Variants in GABRB1 observed in about 807,000 individuals in gnomAD.
GABRB1 encodes the protein gamma-aminobutyric acid receptor subunit beta-1.
A neutral mutation model predicts 51.6 loss-of-function variants in GABRB1; 17 were observed. The observed-to-expected ratio is 0.33, with a 90% CI of 0.23 to 0.49. The LOEUF (loss-of-function observed/expected upper bound fraction) is 0.49. Ranked by LOEUF, GABRB1 falls within the 20% of genes least tolerant of loss-of-function variation. The pLI is 0.99. For missense variants in GABRB1, 410 were observed against 600.6 expected (o/e 0.68, Z 3.32); for synonymous variants, 247 against 218.9 (o/e 1.13, Z -1.14).
intron 4 of GABRB1, among the ~76,000 whole-genome samples, chr4:47,198,445 G>A (rs1378525037): frequency 6.6e-6 from 1 of 152,194 alleles, no homozygotes; most frequent in Non-Finnish European, 1.5e-5. Context: ...GAGAAATACA[G>A]ATGTTACAGA....
intron 5 of GABRB1, among the ~76,000 whole-genome samples, chr4:47,325,432 C>T (rs1725227161): frequency 4.6e-5 from 1 of 21,522 alleles, no homozygotes; most frequent in African/African-American, 1.0e-4. Flanking sequence ...CAGACTCCAT[C>T]TCAAAAAAAA....
At chr4:47,253,292 G>A (rs1041438649) in intron 4 of GABRB1, among the ~76,000 whole-genome samples, 26 of 152,204 alleles carry the variant, frequency 1.7e-4, no homozygotes, top group African/African-American at 6.3e-4. Context: ...TGTCAAAGGG[G>A]AATCCCATTT....
intron 4 of GABRB1, among the ~76,000 whole-genome samples, chr4:47,211,985 C>T (rs181951100): frequency 6.6e-6 from 1 of 152,200 alleles, no homozygotes; most frequent in African/African-American, 2.4e-5. Context: ...TACAAAGTTC[C>T]TTTTTTCATA....
chr4:47,037,267 T>C (rs1295308444), intron 3 of GABRB1, among the ~76,000 whole-genome samples: 4 of 152,202 alleles, frequency 2.6e-5, no homozygotes, highest in Non-Finnish European at 5.9e-5. Flanking sequence ...CTTTGTAAAA[T>C]AGCCTAAACA....
intron 4 of GABRB1, among the ~76,000 whole-genome samples, chr4:47,267,702 G>A (rs1228839674): frequency 1.3e-5 from 2 of 152,130 alleles, no homozygotes; most frequent in Non-Finnish European, 2.9e-5. Context: ...GGCTGAGGCA[G>A]GAGAATTGCT....
chr4:47,042,866 C>T (rs2109491885), intron 3 of GABRB1, among the ~76,000 whole-genome samples: 1 of 151,954 alleles, frequency 6.6e-6, no homozygotes, highest in East Asian at 1.9e-4. Flanking sequence ...CAAAATTATA[C>T]ATATACCTCA....
chr4:47,408,027 G>T (rs916086027), intron 8 of GABRB1, among the ~76,000 whole-genome samples: 1 of 152,308 alleles, frequency 6.6e-6, no homozygotes, highest in Non-Finnish European at 1.5e-5. Flanking sequence ...AGAAGGCAAA[G>T]GTTGCAGTGA....
intron 4 of GABRB1, among the ~76,000 whole-genome samples, chr4:47,179,564 T>C (rs1408345694): frequency 6.6e-6 from 1 of 152,148 alleles, no homozygotes. Context: ...CATTTACTTT[T>C]ACCAACATAT....
intron 3 of GABRB1, among the ~76,000 whole-genome samples, chr4:47,159,805 T>C (rs910350828): frequency 6.6e-6 from 1 of 152,106 alleles, no homozygotes; most frequent in East Asian, 1.9e-4. Context: ...ATGTTAGACA[T>C]GATTCTAATC....
At chr4:47,210,078 C>A (rs1720296494) in intron 4 of GABRB1, among the ~76,000 whole-genome samples, 1 of 152,088 alleles carries the variant, frequency 6.6e-6, no homozygotes, top group South Asian at 2.1e-4. Flanking sequence ...TCTCTGTTTT[C>A]CTTACCCACT....
chr4:47,064,581 T>C (rs1726985277), intron 3 of GABRB1, among the ~76,000 whole-genome samples: 2 of 132,282 alleles, frequency 1.5e-5, no homozygotes. Context: ...GAGGTTGCAG[T>C]GAGTCAAGAT....
intron 4 of GABRB1, among the ~76,000 whole-genome samples, chr4:47,190,986 C>A (rs1719420143): frequency 6.6e-6 from 1 of 152,110 alleles, no homozygotes; most frequent in South Asian, 2.1e-4. Flanking sequence ...CATTTTATTT[C>A]TTGAATTGTC....
chr4:47,283,911 G>C (rs541306244), intron 4 of GABRB1, among the ~76,000 whole-genome samples: 1 of 152,052 alleles, frequency 6.6e-6, no homozygotes, highest in African/African-American at 2.4e-5. Context: ...GGATTGTCAA[G>C]CTTCTCACAG....
chr4:47,358,597 A>C (rs991035835), intron 5 of GABRB1, among the ~76,000 whole-genome samples: 3 of 151,982 alleles, frequency 2.0e-5, no homozygotes, highest in Admixed American at 6.6e-5. Context: ...CTGTGCCCAA[A>C]TTTCCTCTTC....
At chr4:47,011,760 A>C (rs1484825887) in intron 1 of GABRB1, among the ~76,000 whole-genome samples, 1 of 152,204 alleles carries the variant, frequency 6.6e-6, no homozygotes, top group Admixed American at 6.5e-5. Flanking sequence ...TCAAGCTTTA[A>C]GATTTGTACC....
In GABRB1 at chr4:47,079,134, G is replaced by C. The variant is rs548850815; in HGVS notation, c.240+46650G>C. ...GGATGATGCTGGCCTCATAAAATGA[G>C]TTAGGGAGGATTCCCTCTTTTTCTA... On this transcript the variant is annotated intron_variant, in intron 3 of 8. Transcript: ENST00000295454. Among the ~76,000 whole-genome samples, 310 of 152,294 alleles carry C rather than the reference G, an allele frequency of 2.0e-3. 2 individuals carry two copies. Among genetic ancestry groups the C allele is most frequent in the Non-Finnish European group, 2.2e-3 (150 of 68,022 alleles).
intron 3 of GABRB1, among the ~76,000 whole-genome samples, chr4:47,068,511 A>T (rs944636658): frequency 2.0e-5 from 3 of 152,168 alleles, no homozygotes; most frequent in Admixed American, 2.0e-4. Context: ...AATACTTAGA[A>T]GTCATTGTAG....
chr4:47,225,321 G>A (rs1322314246), intron 4 of GABRB1, among the ~76,000 whole-genome samples: 1 of 152,148 alleles, frequency 6.6e-6, no homozygotes, highest in African/African-American at 2.4e-5. Context: ...GGTGGAGGGG[G>A]CAGGGAGTGT....
intron 3 of GABRB1, among the ~76,000 whole-genome samples, chr4:47,125,704 T>A (rs942524846): frequency 6.8e-6 from 1 of 147,670 alleles, no homozygotes; most frequent in East Asian, 2.0e-4. Flanking sequence ...TACAGGCGCC[T>A]GCCACTACGC....
Sources: allele counts gnomAD v4.1 joint callset (sites outside exome capture counted in the v4.1 genomes callset), GRCh38; gene constraint gnomAD v4.1.1; transcripts MANE v1.5; gene names NCBI Gene and HGNC (gene_info 2026-07-23, HGNC 2026-07-21).